The following RARB variants were observed in gnomAD, a reference collection of about 807,000 sequenced individuals.
RARB encodes retinoic acid receptor beta, also known as HBV-activated protein.
Under a neutral mutation model 51.9 loss-of-function variants are expected in RARB, and 17 were observed. The ratio of observed to expected loss-of-function variants is 0.33; its 90% confidence interval spans 0.22 to 0.49. RARB has a LOEUF of 0.49. Ranked by LOEUF, RARB falls within the 20% of genes least tolerant of loss-of-function variation. The pLI is 0.99. For synonymous variants in RARB, 215 were observed against 195.4 expected (o/e 1.10, Z -0.84); for missense variants, 369 against 550.8 (o/e 0.67, Z 3.30).
At chr3:24,994,247 T>C (rs1191132340) in intron 2 of RARB, among the ~76,000 whole-genome samples, 1 of 152,198 alleles carries the variant, frequency 6.6e-6, no homozygotes, top group Admixed American at 6.5e-5. Flanking sequence ...TTCATTTCTT[T>C]GATAATTCAT....
intron 5 of RARB, among the ~76,000 whole-genome samples, chr3:25,270,458 T>C: frequency 6.6e-6 from 1 of 152,222 alleles, no homozygotes; most frequent in Admixed American, 6.5e-5. Flanking sequence ...CACCTAAAAA[T>C]TGTTAAAATG....
chr3:25,004,837 T>G (rs1328397546), intron 2 of RARB, among the ~76,000 whole-genome samples: 4 of 152,184 alleles, frequency 2.6e-5, no homozygotes, highest in Admixed American at 2.6e-4. Flanking sequence ...AGCATTTTTT[T>G]AAGTTTTATA....
chr3:25,535,870 A>G (rs535609547), intron 3 of RARB, among the ~76,000 whole-genome samples: 2 of 152,278 alleles, frequency 1.3e-5, no homozygotes, highest in South Asian at 2.1e-4. Flanking sequence ...TTTATTTTAC[A>G]GTGTTATCAG....
At chr3:25,380,278 A>G (rs937345829) in intron 5 of RARB, among the ~76,000 whole-genome samples, 1 of 152,154 alleles carries the variant, frequency 6.6e-6, no homozygotes, top group Non-Finnish European at 1.5e-5. Flanking sequence ...TAGAGCTGAC[A>G]TCGTCCATCC....
At chr3:25,191,018 G>A (rs550859803) in intron 5 of RARB, among the ~76,000 whole-genome samples, 3 of 150,766 alleles carry the variant, frequency 2.0e-5, no homozygotes, top group Admixed American at 1.3e-4. Context: ...TTAGGTTCAC[G>A]TTTGTTTTGT....
intron 3 of RARB, among the ~76,000 whole-genome samples, chr3:25,553,163 T>C (rs895400085): frequency 6.6e-6 from 1 of 152,046 alleles, no homozygotes; most frequent in African/African-American, 2.4e-5. Context: ...GCTTTTTTTT[T>C]TTTTTGAAAG....
intron 2 of RARB, among the ~76,000 whole-genome samples, chr3:24,922,682 C>A (rs1695243857): frequency 1.3e-5 from 2 of 152,024 alleles, no homozygotes; most frequent in Non-Finnish European, 2.9e-5. Flanking sequence ...ACGGGTCAGC[C>A]CAGAGGTTGA....
chr3:25,498,393 A>G (rs1697143538), intron 2 of RARB, among the ~76,000 whole-genome samples: 2 of 152,180 alleles, frequency 1.3e-5, no homozygotes, highest in Non-Finnish European at 2.9e-5. Context: ...TTCGGCTTGG[A>G]GGGCACGTCT....
chr3:25,569,951 G>A (rs1700643885), intron 4 of RARB, 33 bp downstream of exon 4: 1 of 1,600,642 alleles, frequency 6.2e-7, no homozygotes, highest in Admixed American at 1.7e-5. Context: ...GCTGCTGGGA[G>A]TGTGGAAACC....
intron 5 of RARB, among the ~76,000 whole-genome samples, chr3:25,263,269 A>T (rs898298341): frequency 6.6e-6 from 1 of 152,148 alleles, no homozygotes; most frequent in African/African-American, 2.4e-5. Context: ...TTCATGTGTT[A>T]ATTCATTTAG....
chr3:25,253,408 C>G (rs1702778966), intron 5 of RARB, among the ~76,000 whole-genome samples: 1 of 152,158 alleles, frequency 6.6e-6, no homozygotes, highest in African/African-American at 2.4e-5. Flanking sequence ...CATAGAGACT[C>G]TATGGTGTGT....
intron 2 of RARB, among the ~76,000 whole-genome samples, chr3:24,892,385 T>G (rs929825182): frequency 6.6e-6 from 1 of 152,118 alleles, no homozygotes; most frequent in Non-Finnish European, 1.5e-5. Context: ...TAAAGCTTAG[T>G]CCAGTTGATG....
intron 2 of RARB, among the ~76,000 whole-genome samples, chr3:24,913,267 A>G (rs1172642191): frequency 6.6e-6 from 1 of 151,926 alleles, no homozygotes; most frequent in East Asian, 1.9e-4. Context: ...TACAGGTGTG[A>G]GCCACCGCGC....
intron 3 of RARB, among the ~76,000 whole-genome samples, chr3:25,068,994 G>A (rs146114481): frequency 5.6e-4 from 84 of 151,058 alleles, no homozygotes; most frequent in Middle Eastern, 3.4e-3. Context: ...TTCAGGGCAG[G>A]GAGACTAAAT....
rs903880023 is a variant in RARB, at chr3:25,277,741, C to G, written c.178+103166C>G. On this transcript the variant is annotated intron_variant, in intron 5 of 11. Coordinates refer to the RARB transcript ENST00000383772. ...AGAAGTTGGCCATTCTGTGTGGGTC[C>G]CTCTGCTTTTTTAAAGTAAATTTGT... Among the ~76,000 whole-genome samples, 9 of 152,018 alleles carry G rather than the reference C, an allele frequency of 5.9e-5. No homozygotes were observed. The South Asian group carries it at 1.7e-3, about 28-fold the overall frequency.
rs950800931 is a variant in RARB, at chr3:24,975,168, T to C, written c.-379-84957T>C. 2.0e-5 allele frequency among the ~76,000 whole-genome samples: 3 copies of C among 152,184 alleles called. No individual in the cohort carries two copies. In the South Asian group the frequency reaches 6.2e-4, roughly 32 times the overall value. On this transcript the variant is annotated intron_variant, in intron 2 of 11. Coordinates refer to the RARB transcript ENST00000383772. ...GGGGTTAGAATCTGTATCATGAATA[T>C]CGTTTATCTATTGAAATTAAATCCT...
At chr3:25,329,782 A>G (rs1444896859) in intron 5 of RARB, among the ~76,000 whole-genome samples, 1 of 152,148 alleles carries the variant, frequency 6.6e-6, no homozygotes, top group Non-Finnish European at 1.5e-5. Flanking sequence ...GATTAGACAA[A>G]TGGCTAACTA....
intron 5 of RARB, among the ~76,000 whole-genome samples, chr3:25,177,879 T>C (rs1700787428): frequency 2.0e-5 from 3 of 152,220 alleles, no homozygotes; most frequent in South Asian, 4.1e-4. Flanking sequence ...AACAGACTTT[T>C]ATTATATATC....
At chr3:24,846,256 A>G (rs548709518) in intron 1 of RARB, among the ~76,000 whole-genome samples, 9 of 152,316 alleles carry the variant, frequency 5.9e-5, no homozygotes, top group African/African-American at 2.2e-4. Flanking sequence ...AATGGGACTA[A>G]TCATAGTAGC....
Sources: gnomAD v4.1 joint callset for allele counts (sites outside exome capture counted in the v4.1 genomes callset) on GRCh38, gnomAD v4.1.1 for gene constraint, MANE v1.5 for transcripts, NCBI Gene and HGNC (gene_info 2026-07-23, HGNC 2026-07-21) for gene names.